Variants in COQ2 observed in about 807,000 individuals in gnomAD.
COQ2 encodes coenzyme Q2, polyprenyltransferase, also known as 4-hydroxybenzoate polyprenyltransferase, mitochondrial.
A neutral mutation model predicts 35.7 loss-of-function variants in COQ2; 25 were observed. The ratio of observed to expected loss-of-function variants is 0.70; its 90% CI spans 0.51 to 0.98. COQ2 has a LOEUF of 0.98. COQ2 is among the 50% of genes least tolerant of loss of function. The pLI is 0.00. For missense variants in COQ2, 488 were observed against 473.5 expected (o/e 1.03, Z -0.28); for synonymous variants, 206 against 186.2 (o/e 1.11, Z -0.86).
At chr4:83,272,410 C>T (rs1735071576) in intron 3 of COQ2, among the ~76,000 whole-genome samples, 1 of 152,194 alleles carries the variant, frequency 6.6e-6, no homozygotes, top group Admixed American at 6.5e-5. Flanking sequence ...ACAGTACTAT[C>T]ATGTATTAAG....
Position 83,272,168 on chromosome 4 carries a change from C to T in COQ2, c.547G>A (p.Ala183Thr). Reference protein sequence around the residue: ...VLLCLNYYSIALGAGSLLLVI... With the variant: ...VLLCLNYYSITLGAGSLLLVI... ...AGAAGTAAGGATCCTGCTCCCAGAGCTATACTGAAAAGAGGAAAAACCATT... is the reference window on the plus strand; with the variant it reads ...AGAAGTAAGGATCCTGCTCCCAGAGTTATACTGAAAAGAGGAAAAACCATT... The change falls in exon 4 of 7, where the codon GCT becomes ACT. Residue 183 changes from alanine (A) to threonine (T), a missense_variant. Transcript: ENST00000647002. 1 of 1,605,184 alleles carries T rather than the reference C, an allele frequency of 6.2e-7. No individual in the cohort carries two copies. Among genetic ancestry groups the T allele is most frequent in the Non-Finnish European group, 8.5e-7 (1 of 1,175,058 alleles).
At position 83,284,777 on chromosome 4, in the gene COQ2, G is replaced by C. The variant is rs1228711115; in HGVS notation, c.-13C>G. On this transcript the variant is annotated 5_prime_UTR_variant, in exon 1 of 7. Transcript: ENST00000647002. ...GCGAGCCCAGCATGGCGCTGGTGAG[G>C]CCGGGACGAGCTCGGATTGACGTCA... 6.4e-7 allele frequency: 1 copy of C among 1,562,272 alleles called. No individual in the cohort carries two copies. Among genetic ancestry groups the C allele is most frequent in the Non-Finnish European group, 8.6e-7 (1 of 1,161,064 alleles).
intron 2 of COQ2, among the ~76,000 whole-genome samples, chr4:83,276,258 C>G (rs1474467350): frequency 2.0e-5 from 3 of 151,260 alleles, no homozygotes; most frequent in Non-Finnish European, 4.4e-5. Flanking sequence ...TTATTTTTTT[C>G]TTGTTGTTTG....
At position 83,273,584 on chromosome 4, in the gene COQ2, C is replaced by T. The variant is rs764312091; in HGVS notation, c.454G>A (p.Gly152Arg). 9 of 1,613,524 alleles carry T rather than the reference C, an allele frequency of 5.6e-6. No individual in the cohort carries two copies. Among genetic ancestry groups the T allele is most frequent in the African/African-American group, 5.3e-5 (4 of 74,852 alleles). ...TRTANRPIAA[G>R]DISTFQSFVF... ...AAGGACTGAAAAGTTGAAATGTCTC[C>T]AGCGGCTATTGGACGATTGGCTGTT... The change falls in exon 3 of 7, where the codon GGA becomes AGA. Residue 152 changes from glycine (G) to arginine (R), a missense_variant. By Grantham distance (125) the Gly-to-Arg change is moderately radical. Coordinates refer to ENST00000647002, the MANE Select transcript of COQ2 (RefSeq NM_001358921.2).
chr4:83,277,278 C>T (rs1428588773), intron 2 of COQ2, among the ~76,000 whole-genome samples: 1 of 152,218 alleles, frequency 6.6e-6, no homozygotes, highest in Non-Finnish European at 1.5e-5. Flanking sequence ...CATACAGCTC[C>T]TGCCACTCTT....
chr4:83,264,442 G>A, intron 6 of COQ2, 79 bp from the exon 7 acceptor site: 2 of 1,461,880 alleles, frequency 1.4e-6, no homozygotes, highest in Non-Finnish European at 1.8e-6. Context: ...TTAACACGGA[G>A]GAGAAAACAG....
chr4:83,282,878 G>A (rs1214149333), intron 1 of COQ2, among the ~76,000 whole-genome samples: 2 of 152,136 alleles, frequency 1.3e-5, no homozygotes, highest in African/African-American at 2.4e-5. Context: ...GTTACATGGC[G>A]GAAGGTCCAG....
Position 83,284,681 on chromosome 4 carries a change from G to A in COQ2, c.84C>T (p.Ser28=). ...LAWLPGWRGR[S]FALARAAGAP... ...CGCCTGCCGCACGCGCCAGGGCGAA[G>A]GAGCGGCCCCGCCAGCCCGGCAGCC... The change falls in exon 1 of 7, where the codon TCC becomes TCT. Residue 28 remains serine, a synonymous_variant. Transcript: ENST00000647002. 2 of 1,469,146 alleles carry A rather than the reference G, an allele frequency of 1.4e-6. No homozygotes were observed. Among genetic ancestry groups the A allele is most frequent in the Middle Eastern group, 2.2e-4 (1 of 4,640 alleles). 91.0% of individuals were successfully genotyped at this position (1,469,146 alleles called of 1,614,324 possible).
intron 1 of COQ2, among the ~76,000 whole-genome samples, chr4:83,280,628 G>C (rs1279196029): frequency 6.6e-6 from 1 of 152,220 alleles, no homozygotes; most frequent in African/African-American, 2.4e-5. Flanking sequence ...AACAGGACAA[G>C]CACAGGGTCC....
At position 83,279,119 on chromosome 4, in the gene COQ2, G is replaced by C. The variant is rs776701765; in HGVS notation, c.254-5C>G. 219 of 1,537,894 alleles carry C rather than the reference G, an allele frequency of 1.4e-4. No homozygotes were observed. The highest frequency in any genetic ancestry group is 1.9e-4 in the Non-Finnish European group (215 of 1,146,886). ...GTAAATACAGAAGCCAGGTTCCTAA[G>C]CAAAAATAAAAAGACAAAAAAGGTA... is the stretch of plus-strand genomic sequence containing the variant. On this transcript the variant is annotated splice_polypyrimidine_tract_variant and splice_region_variant and intron_variant, in intron 1 of 6. Transcript: ENST00000647002.
rs1042165424 is a variant in COQ2, at chr4:83,264,315, T to C, written c.1000A>G (p.Ile334Val). ...HRPEDCWNKF[I>V]SNRTLGLIVF... The stretch of plus-strand genomic sequence containing the variant: ...ATTAGTCCCAGTGTTCGGTTGGAGA[T>C]AAATTTATTCCAACAATCCTCAGGT... The change falls in exon 7 of 7, where the codon ATC becomes GTC. Residue 334 changes from isoleucine (I) to valine (V), a missense_variant. Coordinates refer to ENST00000647002, the MANE Select transcript of COQ2 (RefSeq NM_001358921.2). The C allele has an allele frequency of 6.2e-7, 1 of 1,612,772 alleles. No homozygotes were observed.
At chr4:83,265,465 C>T (rs1312711992) in intron 6 of COQ2, among the ~76,000 whole-genome samples, 1 of 151,880 alleles carries the variant, frequency 6.6e-6, no homozygotes, top group Non-Finnish European at 1.5e-5. Context: ...CCAGCTACTA[C>T]GGAGGCTGAG....
Position 83,273,980 on chromosome 4 carries a change from CAAAAAAA to C in COQ2, c.421-370_421-364del, listed in dbSNP as rs967781699. On this transcript the variant is annotated intron_variant, in intron 2 of 6. Coordinates refer to ENST00000647002, the MANE Select transcript of COQ2 (RefSeq NM_001358921.2). Reference sequence around the variant, plus strand: ...GCAACATAAGGAGGCGCTGTCTCTACAAAAAAAAAAAAAAAAAAAAAAAAAATTAGCC... The same window carrying C: ...GCAACATAAGGAGGCGCTGTCTCTACAAAAAAAAAAAAAAAAAAATTAGCC... Among the ~76,000 whole-genome samples, 137 of 29,064 alleles carry C rather than the reference CAAAAAAA, an allele frequency of 4.7e-3. 1 individual carries two copies. Among genetic ancestry groups the C allele is most frequent in the South Asian group, 9.3e-3 (6 of 644 alleles). The allele number at this position is 29,064 out of a possible 152,430, so 19.1% of individuals were successfully genotyped here. A position where few individuals can be genotyped will look rare whatever the true frequency, so the allele number is the denominator to read the frequency against.
At position 83,284,774 on chromosome 4, in the gene COQ2, G is replaced by A. The variant is rs1324282679; in HGVS notation, c.-10C>T. 1.9e-6 allele frequency: 3 copies of A among 1,559,470 alleles called. No individual in the cohort carries two copies. Among genetic ancestry groups the A allele is most frequent in the Admixed American group, 1.9e-5 (1 of 53,902 alleles). ...CTCGCGAGCCCAGCATGGCGCTGGT[G>A]AGGCCGGGACGAGCTCGGATTGACG... On this transcript the variant is annotated 5_prime_UTR_variant, in exon 1 of 7. Coordinates refer to ENST00000647002, the MANE Select transcript of COQ2 (RefSeq NM_001358921.2).
chr4:83,274,354 T>A (rs550633037), intron 2 of COQ2, among the ~76,000 whole-genome samples: 1 of 152,208 alleles, frequency 6.6e-6, no homozygotes, highest in African/African-American at 2.4e-5. Flanking sequence ...CCACCACCCC[T>A]GGCTAATTTT....
At chr4:83,271,431 G>A (rs1735045262) in intron 4 of COQ2, among the ~76,000 whole-genome samples, 2 of 152,126 alleles carry the variant, frequency 1.3e-5, no homozygotes. Context: ...TCCTGCCACA[G>A]AGTGCTTCCT....
intron 2 of COQ2, among the ~76,000 whole-genome samples, chr4:83,277,238 C>A (rs1366741098): frequency 6.6e-6 from 1 of 152,146 alleles, no homozygotes; most frequent in Non-Finnish European, 1.5e-5. Context: ...CAAATTAAGG[C>A]ATCCCAGTTG....
intron 2 of COQ2, among the ~76,000 whole-genome samples, chr4:83,276,176 T>G (rs1735178440): frequency 6.6e-6 from 1 of 151,082 alleles, no homozygotes; most frequent in Non-Finnish European, 1.5e-5. Context: ...GTATCTCATA[T>G]GTTTGTTGGT....
chr4:83,274,117 A>G (rs1735112277), intron 2 of COQ2, among the ~76,000 whole-genome samples: 1 of 152,030 alleles, frequency 6.6e-6, no homozygotes, highest in African/African-American at 2.4e-5. Flanking sequence ...GATTGCACCA[A>G]GCTCTCCAGC....
Sources: allele counts gnomAD v4.1 joint callset (sites outside exome capture counted in the v4.1 genomes callset), GRCh38; gene constraint gnomAD v4.1.1; transcripts MANE v1.5; gene names NCBI Gene and HGNC (gene_info 2026-07-23, HGNC 2026-07-21).